The following MSI2 variants were observed in gnomAD, a reference collection of about 807,000 sequenced individuals.
The protein encoded by MSI2 is musashi RNA binding protein 2, also known as RNA-binding protein Musashi homolog 2.
Under a neutral mutation model 45.6 loss-of-function variants are expected in MSI2, and 17 were observed. The ratio of observed to expected loss-of-function variants is 0.37; its 90% CI spans 0.26 to 0.56. The LOEUF (loss-of-function observed/expected upper bound fraction) is 0.56, where lower values mean the gene tolerates loss of function less well. Among genes scored for constraint, MSI2 ranks in the 20% least tolerant of loss-of-function variants. MSI2 has a pLI of 0.77. For synonymous variants in MSI2, 156 were observed against 158.2 expected (o/e 0.99, Z 0.11); for missense variants, 293 against 444.2 (o/e 0.66, Z 3.06).
At chr17:57,588,756 T>G (rs766113435) in intron 7 of MSI2, among the ~76,000 whole-genome samples, 2 of 152,214 alleles carry the variant, frequency 1.3e-5, no homozygotes, top group Non-Finnish European at 2.9e-5. Context: ...TCATAGATGT[T>G]CTTACAGGGA....
intron 7 of MSI2, chr17:57,531,642 A>G (rs1428137646): frequency 2.6e-5 from 4 of 152,194 alleles, no homozygotes; most frequent in Admixed American, 2.6e-4. Flanking sequence ...CCCCCAGGTG[A>G]TACTGTTGTC....
At chr17:57,548,898 TC>T (rs758120237) in intron 7 of MSI2, among the ~76,000 whole-genome samples, 8,962 of 121,218 alleles carry the variant, frequency 0.074, 321 homozygotes, top group Non-Finnish European at 0.098. Flanking sequence ...TGTTTACCCT[TC>T]CCCCCCCCAC....
intron 5 of MSI2, among the ~76,000 whole-genome samples, chr17:57,347,506 A>T (rs1010960748): frequency 6.6e-6 from 1 of 151,922 alleles, no homozygotes; most frequent in Non-Finnish European, 1.5e-5. Context: ...AGACCCCTTC[A>T]TGCAGGCATT....
At chr17:57,608,820 G>A (rs1052236472) in intron 8 of MSI2, among the ~76,000 whole-genome samples, 1 of 152,220 alleles carries the variant, frequency 6.6e-6, no homozygotes, top group South Asian at 2.1e-4. Context: ...CAAGTTCCTT[G>A]AGGGTGGGTC....
intron 6 of MSI2, among the ~76,000 whole-genome samples, chr17:57,456,903 C>T (rs559979885): frequency 6.6e-6 from 1 of 152,232 alleles, no homozygotes; most frequent in East Asian, 1.9e-4. Flanking sequence ...GGGAGCAAGG[C>T]GTATTTTCCC....
At position 57,652,829 on chromosome 17, in the gene MSI2, T is replaced by A. The variant is rs1467609584; in HGVS notation, c.790+668T>A. 6.6e-6 allele frequency among the ~76,000 whole-genome samples: 1 copy of A among 152,228 alleles called. No individual in the cohort carries two copies. The highest frequency in any genetic ancestry group is 6.5e-5 in the Admixed American group (1 of 15,284). On this transcript the variant is annotated intron_variant, in intron 11 of 13. Transcript: ENST00000284073. The surrounding 1 kb of genome is among the most constrained non-coding windows in gnomAD (Gnocchi z 4.1). Reference sequence around the variant, plus strand: ...GAGGTCTGGAACCCCTCAAGTGACATGGGAACACTTTCCCAGCATTATCAT... The same window carrying A: ...GAGGTCTGGAACCCCTCAAGTGACAAGGGAACACTTTCCCAGCATTATCAT...
chr17:57,589,004 G>A (rs1904569782), intron 7 of MSI2, among the ~76,000 whole-genome samples: 1 of 152,310 alleles, frequency 6.6e-6, no homozygotes, highest in African/African-American at 2.4e-5. Flanking sequence ...CGGCAGATGA[G>A]CTTTCTCTTT....
intron 6 of MSI2, among the ~76,000 whole-genome samples, chr17:57,413,882 G>T (rs2084243568): frequency 6.6e-6 from 1 of 151,890 alleles, no homozygotes; most frequent in Admixed American, 6.5e-5. Context: ...GGCCCACAAG[G>T]CATTGCATCT....
intron 6 of MSI2, among the ~76,000 whole-genome samples, chr17:57,419,009 C>T (rs933598997): frequency 6.6e-6 from 1 of 152,168 alleles, no homozygotes; most frequent in Non-Finnish European, 1.5e-5. Context: ...CTGCTTATTT[C>T]TCCATTGTGG....
intron 6 of MSI2, among the ~76,000 whole-genome samples, chr17:57,419,625 C>A (rs2084360146): frequency 6.6e-6 from 1 of 151,996 alleles, no homozygotes; most frequent in African/African-American, 2.4e-5. Context: ...CCACCCACCT[C>A]AGCCTCCCAA....
chr17:57,689,328 T>A (rs1913940193), downstream of MSI2, among the ~76,000 whole-genome samples: 1 of 152,050 alleles, frequency 6.6e-6, no homozygotes, highest in Non-Finnish European at 1.5e-5. Flanking sequence ...ACTGAGTTAA[T>A]AGAAAAAGAA....
At chr17:57,442,474 A>C (rs2084818134) in intron 6 of MSI2, among the ~76,000 whole-genome samples, 1 of 152,148 alleles carries the variant, frequency 6.6e-6, no homozygotes, top group Non-Finnish European at 1.5e-5. Context: ...TATTTTTCTT[A>C]AACAGCACGA....
intron 10 of MSI2, among the ~76,000 whole-genome samples, chr17:57,648,899 C>T (rs565836568): frequency 2.6e-5 from 4 of 152,290 alleles, no homozygotes; most frequent in African/African-American, 4.8e-5. Context: ...GACAGTGCCA[C>T]GAGGCCACTC....
chr17:57,448,186 T>C (rs987039714), intron 6 of MSI2: 3 of 152,126 alleles, frequency 2.0e-5, no homozygotes, highest in Admixed American at 6.5e-5. Flanking sequence ...ACGTCCCTAA[T>C]TGTTTGGGGT....
chr17:57,662,135 A>G (rs1232322256), intron 11 of MSI2, among the ~76,000 whole-genome samples: 1 of 152,034 alleles, frequency 6.6e-6, no homozygotes, highest in Non-Finnish European at 1.5e-5. Flanking sequence ...TTGCTTATTA[A>G]TATTAATTTT....
intron 6 of MSI2, among the ~76,000 whole-genome samples, chr17:57,474,722 GTTTTT>G (rs546297280): frequency 0.013 from 1,995 of 151,816 alleles, 25 homozygotes; most frequent in Admixed American, 0.032. Flanking sequence ...TTTTGTTTTT[GTTTTT>G]GTTTTTGTTT....
chr17:57,679,617 C>T lies in MSI2; in HGVS notation c.*100C>T. The T allele has an allele frequency of 9.4e-7, 1 of 1,063,798 alleles. No homozygotes were observed. The highest frequency in any genetic ancestry group is 1.6e-5 in the African/African-American group (1 of 61,100). 65.9% of individuals were successfully genotyped at this position (1,063,798 alleles called of 1,614,324 possible). A position where few individuals can be genotyped will look rare whatever the true frequency, so the allele number is the denominator to read the frequency against. ...TGGCCCTTTGTTTAGGTGATGTCCT[C>T]AGACCTGGACCCCCACCAGCCTCAC... On this transcript the variant is annotated 3_prime_UTR_variant, in exon 14 of 14. Coordinates refer to ENST00000284073, the MANE Select transcript of MSI2 (RefSeq NM_138962.4).
intron 8 of MSI2, among the ~76,000 whole-genome samples, chr17:57,612,945 C>T (rs1329403233): frequency 1.3e-5 from 2 of 152,152 alleles, no homozygotes; most frequent in African/African-American, 4.8e-5. Flanking sequence ...AGGCTTGGGG[C>T]AGGTTCATGC....
At chr17:57,675,164 T>A in intron 12 of MSI2, 38 bp downstream of exon 12, 2 of 1,584,534 alleles carry the variant, frequency 1.3e-6, no homozygotes. Context: ...TGCCTCCTCC[T>A]TCCTGACCAG....
Sources: gnomAD v4.1 joint callset for allele counts (sites outside exome capture counted in the v4.1 genomes callset) on GRCh38, gnomAD v4.1.1 for gene constraint, Gnocchi (gnomAD v3.1) non-coding constraint, MANE v1.5 for transcripts, NCBI Gene and HGNC (gene_info 2026-07-23, HGNC 2026-07-21) for gene names.